Variants in AGBL1 observed in about 807,000 individuals in gnomAD.
The protein encoded by AGBL1 is AGBL carboxypeptidase 1.
In AGBL1, 130 loss-of-function variants were observed where a neutral mutation model predicts 118.9. The observed-to-expected ratio is 1.09, with a 90% CI of 0.95 to 1.26. The LOEUF (loss-of-function observed/expected upper bound fraction) is 1.26, where lower values mean the gene tolerates loss of function less well. Ranked by LOEUF, AGBL1 falls within the 50% of genes most tolerant of loss-of-function variation. The probability of loss-of-function intolerance (pLI) is 0.00; values close to 1 mark genes in which losing one functional copy is unlikely to be tolerated. For missense variants in AGBL1, 1,584 were observed against 1,298.1 expected, an observed-to-expected ratio of 1.22 and a Z score of -3.38; for synonymous variants, 555 against 478.9, an observed-to-expected ratio of 1.16 and a Z score of -2.08.
rs187821452 is a variant in AGBL1 at position 86,550,808 on chromosome 15, C to T, written c.2818-3553C>T. Among the ~76,000 whole-genome samples the T allele has an allele frequency of 7.8e-3, 1,187 of 151,998 alleles. 13 individuals carry two copies. Among genetic ancestry groups the T allele is most frequent in the Admixed American group, 0.012 (188 of 15,256 alleles). ...TCTTTTTGAGTGCACATCAAAATTTCTCCAGCATAGATCTTATAATAGGCT... is the reference window on the plus strand; with the variant it reads ...TCTTTTTGAGTGCACATCAAAATTTTTCCAGCATAGATCTTATAATAGGCT... On this transcript the variant is annotated intron_variant, in intron 20 of 22. Transcript: ENST00000614907.
At chr15:86,175,721 T>G (rs1178936284) in intron 5 of AGBL1, among the ~76,000 whole-genome samples, 15 of 152,218 alleles carry the variant, frequency 9.9e-5, no homozygotes, top group Admixed American at 9.8e-4. Context: ...ATTTCAAGAA[T>G]TTTTAAATTT....
intron 22 of AGBL1, among the ~76,000 whole-genome samples, chr15:86,704,051 A>G (rs571996050): frequency 7.9e-5 from 12 of 152,322 alleles, no homozygotes; most frequent in African/African-American, 2.9e-4. Context: ...AGGATTTCCT[A>G]CTTAATGAAT....
At chr15:86,550,918 C>T (rs1044982643) in intron 20 of AGBL1, among the ~76,000 whole-genome samples, 2 of 151,800 alleles carry the variant, frequency 1.3e-5, no homozygotes, top group African/African-American at 4.8e-5. Context: ...TATAAATTAA[C>T]TTTCATAAGA....
chr15:86,758,243 T>A (rs192574776), intron 22 of AGBL1, among the ~76,000 whole-genome samples: 425 of 152,208 alleles, frequency 2.8e-3, no homozygotes, highest in Non-Finnish European at 4.9e-3. Context: ...TTTCATTTCC[T>A]AAACACTCCA....
At chr15:86,501,594 T>A (rs568274323) in intron 18 of AGBL1, among the ~76,000 whole-genome samples, 92 of 151,744 alleles carry the variant, frequency 6.1e-4, no homozygotes, top group African/African-American at 2.2e-3. Context: ...TACATTTAGA[T>A]CTATAATTGT....
intron 18 of AGBL1, among the ~76,000 whole-genome samples, chr15:86,402,770 A>G (rs1348280424): frequency 6.6e-6 from 1 of 152,154 alleles, no homozygotes; most frequent in African/African-American, 2.4e-5. Context: ...GTGTCCAGTG[A>G]AATAAAGGCA....
intron 6 of AGBL1, among the ~76,000 whole-genome samples, chr15:86,236,241 G>C (rs2078539887): frequency 6.6e-6 from 1 of 152,136 alleles, no homozygotes; most frequent in Admixed American, 6.6e-5. Flanking sequence ...ACCAGTCCCA[G>C]GGGCACACAG....
intron 1 of AGBL1, among the ~76,000 whole-genome samples, chr15:86,085,073 T>C (rs563907266): frequency 6.6e-6 from 1 of 152,138 alleles, no homozygotes; most frequent in East Asian, 1.9e-4. Context: ...TTCATGAAAA[T>C]GTGGTATAGG....
chr15:86,480,694 C>T (rs1191325354), intron 18 of AGBL1, among the ~76,000 whole-genome samples: 2 of 151,728 alleles, frequency 1.3e-5, no homozygotes, highest in African/African-American at 2.4e-5. Flanking sequence ...TATATACTGT[C>T]ATACAGACTC....
intron 19 of AGBL1, among the ~76,000 whole-genome samples, chr15:86,523,678 C>T (rs542140663): frequency 2.8e-5 from 4 of 141,108 alleles, no homozygotes; most frequent in Non-Finnish European, 6.0e-5. Flanking sequence ...GGAACGAAAT[C>T]CTCTAGGTGT....
rs113633919 is a variant in AGBL1, at chr15:86,808,926, A to G, written c.3159-98161A>G. 1.2e-3 allele frequency among the ~76,000 whole-genome samples: 185 copies of G among 152,168 alleles called. 1 individual carries two copies. Among genetic ancestry groups the G allele is most frequent in the African/African-American group, 4.2e-3 (173 of 41,534 alleles). On this transcript the variant is annotated intron_variant, in intron 22 of 22. Transcript: ENST00000614907. ...AATAATTTATTCAATTACATACTCA[A>G]TAACTATTTGTTAGCACTCCTGATA...
intron 21 of AGBL1, among the ~76,000 whole-genome samples, chr15:86,597,937 G>T (rs2084435015): frequency 6.6e-6 from 1 of 152,102 alleles, no homozygotes; most frequent in South Asian, 2.1e-4. Context: ...AGATAAGAAA[G>T]TTTGCCATTG....
intron 19 of AGBL1, among the ~76,000 whole-genome samples, chr15:86,534,419 G>C (rs1254994296): frequency 6.6e-6 from 1 of 152,202 alleles, no homozygotes; most frequent in African/African-American, 2.4e-5. Context: ...GTAGGCCTAT[G>C]ATCTCTTGAG....
At chr15:86,158,868 C>T in intron 4 of AGBL1, 65 bp from the exon 5 acceptor site, 4 of 1,434,762 alleles carry the variant, frequency 2.8e-6, no homozygotes, top group Admixed American at 1.7e-5. Context: ...GGAGTCAATC[C>T]AAGTTGTCTT....
intron 21 of AGBL1, among the ~76,000 whole-genome samples, chr15:86,672,377 C>G (rs1187347796): frequency 6.6e-6 from 1 of 152,172 alleles, no homozygotes; most frequent in Non-Finnish European, 1.5e-5. Context: ...TGAAGGAACT[C>G]TCCCTAACCT....
chr15:86,377,006 T>G (rs191483902), intron 17 of AGBL1, among the ~76,000 whole-genome samples: 11 of 152,342 alleles, frequency 7.2e-5, no homozygotes, highest in African/African-American at 2.6e-4. Context: ...TATTAATTTA[T>G]GATCCTATCT....
chr15:86,864,582 TCTA>T (rs142926935), intron 22 of AGBL1, among the ~76,000 whole-genome samples: 1,687 of 152,320 alleles, frequency 0.011, 16 homozygotes, highest in African/African-American at 0.018. Context: ...TTCATACTAC[TCTA>T]CTAAGCTACC....
At chr15:86,291,121 G>C (rs1200032647) in intron 16 of AGBL1, among the ~76,000 whole-genome samples, 1 of 152,102 alleles carries the variant, frequency 6.6e-6, no homozygotes, top group Non-Finnish European at 1.5e-5. Context: ...TGATAGACTG[G>C]ACCAAGTCCT....
chr15:86,408,269 C>A (rs1596077522), intron 18 of AGBL1, among the ~76,000 whole-genome samples: 1 of 152,216 alleles, frequency 6.6e-6, no homozygotes, highest in East Asian at 1.9e-4. Context: ...ATGCTAATGA[C>A]AAGATGGGGG....
Sources: gnomAD v4.1 joint callset for allele counts (sites outside exome capture counted in the v4.1 genomes callset) on GRCh38, gnomAD v4.1.1 for gene constraint, MANE v1.5 for transcripts, NCBI Gene and HGNC (gene_info 2026-07-23, HGNC 2026-07-21) for gene names.